LUZP1: variants seen among roughly 807,000 people sequenced by gnomAD.
LUZP1 encodes the protein filamin mechanobinding actin cross-linking protein.
Under a neutral mutation model 71.3 loss-of-function variants are expected in LUZP1, and 25 were observed. The observed-to-expected ratio is 0.35, with a 90% CI of 0.26 to 0.49. LUZP1 has a LOEUF of 0.49. Among genes scored for constraint, LUZP1 ranks in the 20% least tolerant of loss-of-function variants. LUZP1 has a pLI of 0.99. For synonymous variants in LUZP1, 481 were observed against 506.4 expected, an observed-to-expected ratio of 0.95 and a Z score of 0.67; for missense variants, 1,142 against 1,300.8, an observed-to-expected ratio of 0.88 and a Z score of 1.88.
At chr1:23,152,816 C>T (rs1225350556) in intron 2 of LUZP1, among the ~76,000 whole-genome samples, 1 of 152,146 alleles carries the variant, frequency 6.6e-6, no homozygotes, top group Non-Finnish European at 1.5e-5. Context: ...CAAGTGTGGG[C>T]CACCGTTCCC....
chr1:23,173,449 G>A (rs140967119), intron 1 of LUZP1, among the ~76,000 whole-genome samples: 1,512 of 147,084 alleles, frequency 0.01, 13 homozygotes, highest in Non-Finnish European at 0.016. Flanking sequence ...CTCTTCCCAG[G>A]CTCGAGTAAT....
chr1:23,108,234 T>C (rs1426310044), intron 3 of LUZP1, among the ~76,000 whole-genome samples: 1 of 152,238 alleles, frequency 6.6e-6, no homozygotes, highest in Non-Finnish European at 1.5e-5. Flanking sequence ...AGGTTTTGTA[T>C]TTTGCTTTGC....
chr1:23,131,080 G>A (rs1283384859), intron 2 of LUZP1, among the ~76,000 whole-genome samples: 3 of 151,744 alleles, frequency 2.0e-5, no homozygotes, highest in Non-Finnish European at 2.9e-5. Flanking sequence ...TTAGCCAGGC[G>A]TGGTGGCGGG....
chr1:23,147,475 C>T (rs2124722523), intron 2 of LUZP1, among the ~76,000 whole-genome samples: 1 of 150,852 alleles, frequency 6.6e-6, no homozygotes, highest in East Asian at 1.9e-4. Context: ...ATGCTTAATG[C>T]TTTAAGAAAG....
chr1:23,170,476 T>C (rs1644544554), intron 1 of LUZP1, among the ~76,000 whole-genome samples: 1 of 132,862 alleles, frequency 7.5e-6, no homozygotes. Flanking sequence ...TTTTTTTTTT[T>C]TTTTTTTGAG....
At chr1:23,131,598 AC>A (rs1227670728) in intron 2 of LUZP1, among the ~76,000 whole-genome samples, 10 of 152,196 alleles carry the variant, frequency 6.6e-5, no homozygotes, top group African/African-American at 2.4e-4. Flanking sequence ...TCCAAAAAAA[AC>A]GAGTTTGTTT....
chr1:23,128,896 C>T (rs763645592), intron 2 of LUZP1, among the ~76,000 whole-genome samples: 3 of 152,214 alleles, frequency 2.0e-5, no homozygotes, highest in Non-Finnish European at 4.4e-5. Flanking sequence ...CAGATTATTT[C>T]TTCCAGCTAT....
chr1:23,087,830 C>T (rs1351694409), exon 5 of LUZP1: 1 of 152,668 alleles, frequency 6.6e-6, no homozygotes, highest in Non-Finnish European at 1.5e-5. Flanking sequence ...TGATAGTCGA[C>T]TTGCAGAAAT....
At chr1:23,086,654 T>G (rs751845129) in exon 5 of LUZP1, 3 of 152,560 alleles carry the variant, frequency 2.0e-5, no homozygotes, top group Admixed American at 6.5e-5. Context: ...ACCACAGAGG[T>G]TGATTTTCTT....
chr1:23,135,007 A>G (rs1644243104), intron 2 of LUZP1, among the ~76,000 whole-genome samples: 1 of 152,118 alleles, frequency 6.6e-6, no homozygotes, highest in Non-Finnish European at 1.5e-5. Context: ...TGCTTTATTA[A>G]CCAATGAAAG....
chr1:23,093,004 G>C lies in LUZP1; in HGVS notation c.1258C>G (p.Gln420Glu). 6.2e-7 allele frequency: 1 copy of C among 1,614,182 alleles called. No individual in the cohort carries two copies. The highest frequency in any genetic ancestry group is 8.5e-7 in the Non-Finnish European group (1 of 1,180,030). ...TTGGTGAAACTGGGAGAAGAAACCT[G>C]CCTGTTGCTCAGAGAATAGTTTTCA... is the stretch of plus-strand genomic sequence containing the variant. The change falls in exon 4 of 5, where the codon CAG becomes GAG. Residue 420 changes from glutamine to glutamate, a missense_variant. By Grantham distance (29) the Gln-to-Glu change is conservative (BLOSUM62 2). Coordinates refer to ENST00000302291, the Ensembl canonical transcript of LUZP1. The surrounding 1 kb of genome is among the most constrained non-coding windows in gnomAD (Gnocchi z 4.2).
rs35522356 is a variant in LUZP1, at chr1:23,119,251, CT to C, written c.-225-10125del. Among the ~76,000 whole-genome samples the C allele has an allele frequency of 8.1e-3, 566 of 69,994 alleles. 1 individual carries two copies. The highest frequency in any genetic ancestry group is 0.012 in the South Asian group (18 of 1,546). The allele number at this position is 69,994 out of a possible 152,430, so 45.9% of individuals were successfully genotyped here. On this transcript the variant is annotated intron_variant, in intron 2 of 4. Transcript: ENST00000302291. ...TTTTAACGACCTGATGTGACTAGCT[CT>C]TTTTTTTTTTTTTTTTTTTTTTTTG...
intron 3 of LUZP1, among the ~76,000 whole-genome samples, chr1:23,104,476 G>A (rs1016984028): frequency 3.3e-5 from 5 of 152,072 alleles, no homozygotes; most frequent in Non-Finnish European, 5.9e-5. Context: ...GAGCCACCAC[G>A]CCTGGCCCAA....
chr1:23,102,728 G>A (rs895610383), intron 3 of LUZP1, among the ~76,000 whole-genome samples: 3 of 152,024 alleles, frequency 2.0e-5, no homozygotes, highest in Non-Finnish European at 4.4e-5. Context: ...GGTAAGATGA[G>A]CGGGGAGGAT....
At chr1:23,175,910 A>C (rs1644579168) in intron 1 of LUZP1, among the ~76,000 whole-genome samples, 1 of 152,192 alleles carries the variant, frequency 6.6e-6, no homozygotes, top group South Asian at 2.1e-4. Flanking sequence ...ATGGAGCCTC[A>C]GAGAGGGTAA....
At chr1:23,137,777 C>T (rs574996082) in intron 2 of LUZP1, among the ~76,000 whole-genome samples, 3 of 152,114 alleles carry the variant, frequency 2.0e-5, no homozygotes, top group Admixed American at 1.3e-4. Context: ...ACATGATACA[C>T]TGTGAAAAAT....
intron 2 of LUZP1, among the ~76,000 whole-genome samples, chr1:23,144,777 T>C (rs1352394929): frequency 6.6e-6 from 1 of 152,226 alleles, no homozygotes; most frequent in Non-Finnish European, 1.5e-5. Flanking sequence ...CCTGCTTATA[T>C]AAGAGAGGTA....
intron 2 of LUZP1, among the ~76,000 whole-genome samples, chr1:23,165,623 ACAT>A (rs1446699819): frequency 6.6e-6 from 1 of 152,144 alleles, no homozygotes; most frequent in Admixed American, 6.6e-5. Flanking sequence ...ATGCAGTGAG[ACAT>A]CATCACAGCA....
intron 2 of LUZP1, among the ~76,000 whole-genome samples, chr1:23,135,697 G>T (rs897958758): frequency 2.6e-5 from 4 of 152,152 alleles, no homozygotes; most frequent in Non-Finnish European, 5.9e-5. Context: ...AGAGATACAT[G>T]TAACTGTTTA....
Sources: gnomAD v4.1 joint callset for allele counts (sites outside exome capture counted in the v4.1 genomes callset) on GRCh38, gnomAD v4.1.1 for gene constraint, Gnocchi (gnomAD v3.1) non-coding constraint, MANE v1.5 for transcripts, NCBI Gene and HGNC (gene_info 2026-07-23, HGNC 2026-07-21) for gene names.